Variants in BLNK observed in about 807,000 individuals in gnomAD.
BLNK encodes B cell linker.
BLNK carries 29 observed loss-of-function variants against 73.5 expected under a neutral mutation model. That is an observed-to-expected ratio of 0.39 (90% CI 0.29 to 0.54). The LOEUF (loss-of-function observed/expected upper bound fraction) is 0.54, where lower values mean the gene tolerates loss of function less well. Ranked by LOEUF, BLNK falls within the 20% of genes least tolerant of loss-of-function variation. The pLI, the probability that BLNK is intolerant of heterozygous loss-of-function variation, is 0.61. For missense variants in BLNK, 460 were observed against 562.8 expected (o/e 0.82, Z 1.85); for synonymous variants, 176 against 200.8 (o/e 0.88, Z 1.04).
At chr10:96,225,148 G>A (rs1177926473) in intron 5 of BLNK, among the ~76,000 whole-genome samples, 2 of 152,260 alleles carry the variant, frequency 1.3e-5, no homozygotes, top group East Asian at 1.9e-4. Flanking sequence ...GGCGTTAGGC[G>A]GCCTCAAGTC....
intron 1 of BLNK, among the ~76,000 whole-genome samples, chr10:96,265,366 C>T (rs985396465): frequency 6.6e-6 from 1 of 152,070 alleles, no homozygotes; most frequent in African/African-American, 2.4e-5. Context: ...TTTACCTCAA[C>T]ATTAAGAATT....
At chr10:96,242,912 A>G (rs1364204018) in intron 2 of BLNK, 128 bp from the exon 3 acceptor site, 1 of 824,882 alleles carries the variant, frequency 1.2e-6, no homozygotes, top group Non-Finnish European at 2.1e-6. Flanking sequence ...TGGACCAATC[A>G]ATGGACAGAT....
intron 15 of BLNK, among the ~76,000 whole-genome samples, chr10:96,197,931 A>G (rs1326029963): frequency 6.6e-6 from 1 of 151,202 alleles, no homozygotes; most frequent in Non-Finnish European, 1.5e-5. Context: ...AAAAGAAAGA[A>G]AAAGAAAAAG....
intron 4 of BLNK, 131 bp downstream of exon 4, chr10:96,230,663 G>T: frequency 1.9e-6 from 2 of 1,051,442 alleles, no homozygotes; most frequent in Non-Finnish European, 2.9e-6. Context: ...TGCCTTGCCT[G>T]TAGGTGACCT....
chr10:96,261,555 G>T (rs531298660), intron 1 of BLNK, among the ~76,000 whole-genome samples: 3 of 152,270 alleles, frequency 2.0e-5, no homozygotes, highest in South Asian at 4.1e-4. Context: ...ATCTAAGATC[G>T]GTTTGGCAAC....
chr10:96,202,614 A>T (rs1440760272), intron 13 of BLNK, among the ~76,000 whole-genome samples: 2 of 152,100 alleles, frequency 1.3e-5, no homozygotes, highest in East Asian at 3.8e-4. Context: ...TTGTAAGAGG[A>T]GGGGGCAGTG....
At chr10:96,198,733 T>C (rs1338177938) in intron 15 of BLNK, among the ~76,000 whole-genome samples, 4 of 152,204 alleles carry the variant, frequency 2.6e-5, no homozygotes, top group African/African-American at 9.6e-5. Flanking sequence ...AGTCTCACTC[T>C]TGTTGCCCAG....
Position 96,200,585 on chromosome 10 carries a change from T to C in BLNK, c.1011+397A>G, listed in dbSNP as rs1480407474. ...TATTTTACATTTTTACATATATTTG[T>C]ATGGAAACTTAGAAAGACTTGCCCA... On this transcript the variant is annotated intron_variant, in intron 14 of 16. Coordinates refer to ENST00000224337, the MANE Select transcript of BLNK (RefSeq NM_013314.4). The surrounding 1 kb of genome is among the most constrained non-coding windows in gnomAD (Gnocchi z 4.3). Among the ~76,000 whole-genome samples, 1 of 152,270 alleles carries C rather than the reference T, an allele frequency of 6.6e-6. No homozygotes were observed. The highest frequency in any genetic ancestry group is 1.5e-5 in the Non-Finnish European group (1 of 68,050).
intron 1 of BLNK, among the ~76,000 whole-genome samples, chr10:96,254,655 C>T (rs1465587130): frequency 2.0e-5 from 3 of 152,114 alleles, no homozygotes; most frequent in Non-Finnish European, 2.9e-5. Context: ...GGATTACAGG[C>T]GCCTGCCACC....
At position 96,203,556 on chromosome 10, in the gene BLNK, C is replaced by T. The variant is rs182233459; in HGVS notation, c.934+501G>A. 3.2e-3 allele frequency: 483 copies of T among 152,470 alleles called. 1 individual carries two copies. Among genetic ancestry groups the T allele is most frequent in the Non-Finnish European group, 5.4e-3 (369 of 68,338 alleles). 9.4% of individuals were successfully genotyped at this position (152,470 alleles called of 1,614,324 possible). ...TTACGTTCTGTGAGCCTGACTTATC[C>T]GATTCATATATTTTTAGGGTGATGT... On this transcript the variant is annotated intron_variant, in intron 13 of 16. Transcript: ENST00000224337.
intron 10 of BLNK, 32 bp from the exon 11 acceptor site, chr10:96,207,085 A>G (rs2083833741): frequency 6.3e-7 from 1 of 1,575,044 alleles, no homozygotes; most frequent in Non-Finnish European, 8.7e-7. Flanking sequence ...AAGGTTATTC[A>G]ATATAGCAGA....
At chr10:96,205,448 T>C (rs1382760293) in intron 11 of BLNK, among the ~76,000 whole-genome samples, 1 of 152,222 alleles carries the variant, frequency 6.6e-6, no homozygotes, top group Non-Finnish European at 1.5e-5. Flanking sequence ...AATGGTAAGA[T>C]AGACGTCAGG....
At chr10:96,197,524 A>G (rs1554894987) in intron 15 of BLNK, among the ~76,000 whole-genome samples, 1 of 152,220 alleles carries the variant, frequency 6.6e-6, no homozygotes, top group East Asian at 1.9e-4. Flanking sequence ...AAATTTAGAA[A>G]TATGTGAAGG....
At chr10:96,206,054 G>T (rs112353987) in intron 11 of BLNK, among the ~76,000 whole-genome samples, 9 of 152,154 alleles carry the variant, frequency 5.9e-5, no homozygotes, top group African/African-American at 1.9e-4. Flanking sequence ...TGATGCCTCA[G>T]AAATAGCCTA....
chr10:96,238,239 A>G (rs1422470018), intron 3 of BLNK, among the ~76,000 whole-genome samples: 1 of 152,210 alleles, frequency 6.6e-6, no homozygotes, highest in Admixed American at 6.5e-5. Context: ...GGAAGAGGGT[A>G]TGGTGACTCT....
At chr10:96,261,055 G>C (rs573339494) in intron 1 of BLNK, among the ~76,000 whole-genome samples, 2 of 152,156 alleles carry the variant, frequency 1.3e-5, no homozygotes, top group South Asian at 4.2e-4. Context: ...ATGTTGCCCA[G>C]ACTGGTCTCA....
At chr10:96,207,204 T>A (rs1165338842) in intron 10 of BLNK, 151 bp from the exon 11 acceptor site, 4 of 743,298 alleles carry the variant, frequency 5.4e-6, no homozygotes, top group Non-Finnish European at 9.2e-6. Context: ...AAACCCACAG[T>A]CCCTAGCCCA....
At chr10:96,236,224 A>G (rs1481527587) in intron 3 of BLNK, among the ~76,000 whole-genome samples, 1 of 152,044 alleles carries the variant, frequency 6.6e-6, no homozygotes, top group Non-Finnish European at 1.5e-5. Context: ...TCTGGAGGCT[A>G]CCCGGCCGCC....
chr10:96,227,360 C>A (rs1417699327), intron 5 of BLNK, 50 bp downstream of exon 5: 1 of 1,600,130 alleles, frequency 6.2e-7, no homozygotes, highest in African/African-American at 1.3e-5. Flanking sequence ...ACACCCCCAC[C>A]TCCCCATGGG....
Sources: allele counts gnomAD v4.1 joint callset (sites outside exome capture counted in the v4.1 genomes callset), GRCh38; gene constraint gnomAD v4.1.1; non-coding constraint Gnocchi (gnomAD v3.1); transcripts MANE v1.5; gene names NCBI Gene and HGNC (gene_info 2026-07-23, HGNC 2026-07-21).